BAG3: variants seen among roughly 807,000 people sequenced by gnomAD.
BAG3 encodes the protein BAG family molecular chaperone regulator 3.
Under a neutral mutation model 40.5 loss-of-function variants are expected in BAG3, and 14 were observed. That is an observed-to-expected ratio of 0.35 (90% confidence interval 0.23 to 0.54). BAG3 has a LOEUF of 0.54. Ranked by LOEUF, BAG3 falls within the 20% of genes least tolerant of loss-of-function variation. The pLI is 0.91. For synonymous variants in BAG3, 302 were observed against 307.8 expected (o/e 0.98, Z 0.20); for missense variants, 788 against 758.6 (o/e 1.04, Z -0.46).
intron 1 of BAG3, among the ~76,000 whole-genome samples, chr10:119,659,161 C>T (rs1171520183): frequency 4.6e-5 from 7 of 152,216 alleles, no homozygotes; most frequent in South Asian, 4.1e-4. Flanking sequence ...GATGAAGCTG[C>T]GGGGCCTTCG....
chr10:119,652,303 AG>A (rs1846853654), intron 1 of BAG3, among the ~76,000 whole-genome samples: 2 of 152,244 alleles, frequency 1.3e-5, no homozygotes, highest in Admixed American at 6.5e-5. Flanking sequence ...CGCGGACTCG[AG>A]GGGGACACTC....
chr10:119,661,286 A>C (rs1443744957), intron 1 of BAG3, among the ~76,000 whole-genome samples: 1 of 151,494 alleles, frequency 6.6e-6, no homozygotes, highest in Non-Finnish European at 1.5e-5. Flanking sequence ...AGAAAGAAAA[A>C]GAAACCCAAT....
rs1457834767 is a variant in BAG3, at chr10:119,672,615, C to T, written c.868C>T (p.Pro290Ser). 1.9e-6 allele frequency: 3 copies of T among 1,614,092 alleles called. No homozygotes were observed. Among genetic ancestry groups the T allele is most frequent in the Non-Finnish European group, 2.5e-6 (3 of 1,180,022 alleles). ...PARSSTPLHS[P>S]SPIRVHTVVD... is the part of the protein sequence containing the mutation. The stretch of plus-strand genomic sequence containing the variant: ...CAGGAGCAGCACGCCACTCCACTCC[C>T]CCTCGCCCATCCGTGTGCACACCGT... Residue 290 changes from proline (P) to serine (S), a missense_variant, in exon 3 of 4, where the codon CCC becomes TCC. Pro to Ser is a moderately conservative substitution (Grantham distance 74). Coordinates refer to ENST00000369085, the MANE Select transcript of BAG3 (RefSeq NM_004281.4). This position sits in a 1 kb window ranked among gnomAD's most constrained non-coding sequence, Gnocchi z 4.8.
chr10:119,658,674 A>C (rs1430345954), intron 1 of BAG3, among the ~76,000 whole-genome samples: 1 of 152,230 alleles, frequency 6.6e-6, no homozygotes, highest in Non-Finnish European at 1.5e-5. Flanking sequence ...CAGGAGTAGC[A>C]GAAAGGTTAG....
chr10:119,652,955 C>T (rs1036838760), intron 1 of BAG3, among the ~76,000 whole-genome samples: 9 of 152,288 alleles, frequency 5.9e-5, no homozygotes, highest in Admixed American at 5.2e-4. Context: ...ATATGTTATA[C>T]TTAAAGCTGA....
At chr10:119,655,367 A>G (rs1846897198) in intron 1 of BAG3, among the ~76,000 whole-genome samples, 2 of 152,182 alleles carry the variant, frequency 1.3e-5, no homozygotes, top group Non-Finnish European at 1.5e-5. Context: ...TGTCTTGCCC[A>G]TCTGGCAGAA....
intron 3 of BAG3, among the ~76,000 whole-genome samples, chr10:119,675,780 C>CTTCCCTCCCTCCCT (rs1418469097): frequency 1.5e-5 from 1 of 65,590 alleles, no homozygotes; most frequent in Non-Finnish European, 3.2e-5. Flanking sequence ...TCCTTCCCTC[C>CTTCCCTCCCTCCCT]CCCTCCCTTC....
At chr10:119,669,784 T>C in intron 1 of BAG3, 67 bp from the exon 2 acceptor site, 1 of 1,490,672 alleles carries the variant, frequency 6.7e-7, no homozygotes, top group Non-Finnish European at 9.3e-7. Flanking sequence ...GCCACAGTGT[T>C]TCCTCTGCCA....
intron 1 of BAG3, among the ~76,000 whole-genome samples, chr10:119,669,530 G>C (rs889648491): frequency 1.3e-5 from 2 of 152,164 alleles, no homozygotes; most frequent in African/African-American, 4.8e-5. Context: ...TGCGGGCATG[G>C]GCAGCTCTCC....
In BAG3 at chr10:119,658,601, C is replaced by T. The variant is rs867692340; in HGVS notation, c.180+6746C>T. ...CTGCCTCTCCTGCTGCATTTTACCC[C>T]GGGAGATGAAGGTTTTGGAGACGTT... On this transcript the variant is annotated intron_variant, in intron 1 of 3. Transcript: ENST00000369085. Among the ~76,000 whole-genome samples, 37 of 152,266 alleles carry T rather than the reference C, an allele frequency of 2.4e-4. No homozygotes were observed. The Middle Eastern group carries it at 0.014, about 56-fold the overall frequency.
chr10:119,653,855 G>A (rs1432976334), intron 1 of BAG3, among the ~76,000 whole-genome samples: 1 of 152,190 alleles, frequency 6.6e-6, no homozygotes, highest in African/African-American at 2.4e-5. Flanking sequence ...TTGGAAGTGA[G>A]TGTTTTGGGA....
chr10:119,660,668 A>G (rs111816174), intron 1 of BAG3, among the ~76,000 whole-genome samples: 294 of 152,218 alleles, frequency 1.9e-3, no homozygotes, highest in Non-Finnish European at 3.3e-3. Context: ...CCCCATAGTG[A>G]GACCTTGTCT....
chr10:119,651,684 C>A lies in BAG3; in HGVS notation c.9C>A (p.Ala3=). MS[A]ATHSPMMQVA... is the part of the protein sequence containing the mutation. ...GCAGACCCCAACCCAGCATGAGCGC[C>A]GCCACCCACTCGCCCATGATGCAGG... The change falls in exon 1 of 4, where the codon GCC becomes GCA. Residue 3 remains alanine (A), a synonymous_variant. Coordinates refer to ENST00000369085, the MANE Select transcript of BAG3 (RefSeq NM_004281.4). 6 of 1,581,806 alleles carry A rather than the reference C, an allele frequency of 3.8e-6. No individual in the cohort carries two copies. Among genetic ancestry groups the A allele is most frequent in the Non-Finnish European group, 5.1e-6 (6 of 1,165,430 alleles).
chr10:119,676,566 C>T lies in BAG3; in HGVS notation c.1012C>T (p.Pro338Ser), dbSNP rs1319754171. ...ACCAGAACTCCCTCCTGGACACATC[C>T]CAATTCAAGTGATCCGCAAAGAGGT... Reference protein sequence around the residue: ...VGPELPPGHIPIQVIRKEVDS... With the variant: ...VGPELPPGHISIQVIRKEVDS... Residue 338 changes from proline to serine, a missense_variant, in exon 4 of 4, where the codon CCA becomes TCA. Transcript: ENST00000369085. 4 of 1,613,966 alleles carry T rather than the reference C, an allele frequency of 2.5e-6. No homozygotes were observed. The highest frequency in any genetic ancestry group is 3.4e-6 in the Non-Finnish European group (4 of 1,180,042).
At chr10:119,665,480 C>T (rs1371852630) in intron 1 of BAG3, among the ~76,000 whole-genome samples, 8 of 151,794 alleles carry the variant, frequency 5.3e-5, no homozygotes, top group South Asian at 4.2e-4. Flanking sequence ...GGTTTCATCA[C>T]GTTGGCCAGG....
chr10:119,669,956 A>G lies in BAG3; in HGVS notation c.286A>G (p.Ile96Val). ...CCAGCTCCGACCAGGCTACATTCCC[A>G]TTCCTGTGCTCCATGAAGGCGCTGA... ...YPQLRPGYIP[I>V]PVLHEGAENR... is the part of the protein sequence containing the mutation. The change falls in exon 2 of 4, where the codon ATT becomes GTT. Residue 96 changes from isoleucine (I) to valine (V), a missense_variant. By Grantham distance (29) the Ile-to-Val change is conservative (BLOSUM62 3). Coordinates refer to ENST00000369085, the MANE Select transcript of BAG3 (RefSeq NM_004281.4). 5 of 1,614,148 alleles carry G rather than the reference A, an allele frequency of 3.1e-6. No homozygotes were observed. The highest frequency in any genetic ancestry group is 4.2e-6 in the Non-Finnish European group (5 of 1,180,014).
chr10:119,671,883 G>T (rs1432781034), intron 2 of BAG3, among the ~76,000 whole-genome samples: 3 of 152,102 alleles, frequency 2.0e-5, no homozygotes, highest in African/African-American at 7.2e-5. Flanking sequence ...CTGCCTCCTA[G>T]GTTCAAGCAA....
chr10:119,657,443 C>A, intron 1 of BAG3: 1 of 446,900 alleles, frequency 2.2e-6, no homozygotes, highest in Non-Finnish European at 4.7e-6. Context: ...TCATCGCTGC[C>A]TCTTGATGCC....
In BAG3 at chr10:119,651,804, C is replaced by T. The variant is rs778921699; in HGVS notation, c.129C>T (p.Asn43=). 1.3e-5 allele frequency: 21 copies of T among 1,598,800 alleles called. 1 individual carries two copies. The East Asian group carries it at 3.4e-4, about 26-fold the overall frequency. Residue 43 remains asparagine (N), a synonymous_variant, in exon 1 of 4, where the codon AAC becomes AAT. Coordinates refer to ENST00000369085, the MANE Select transcript of BAG3 (RefSeq NM_004281.4). ...QTGWPFFVDH[N]SRTTTWNDPR... ...GCTGGCCCTTCTTCGTGGACCACAA[C>T]AGCCGCACCACTACGTGGAACGACC...
Sources: allele counts gnomAD v4.1 joint callset (sites outside exome capture counted in the v4.1 genomes callset), GRCh38; gene constraint gnomAD v4.1.1; non-coding constraint Gnocchi (gnomAD v3.1); transcripts MANE v1.5; gene names NCBI Gene and HGNC (gene_info 2026-07-23, HGNC 2026-07-21).